The following PRELID2 variants were observed in gnomAD, a reference collection of about 807,000 sequenced individuals.
PRELID2 encodes the protein PRELI domain containing 2, also known as PRELI domain-containing protein 2.
In PRELID2, 25 loss-of-function variants were observed where a neutral mutation model predicts 28.4. The ratio of observed to expected loss-of-function variants is 0.88; its 90% CI spans 0.64 to 1.23. The LOEUF (loss-of-function observed/expected upper bound fraction) is 1.23. PRELID2 is among the 50% of genes most tolerant of loss of function. The pLI, the probability that PRELID2 is intolerant of heterozygous loss-of-function variation, is 0.00. For synonymous variants in PRELID2, 76 were observed against 71.6 expected, an observed-to-expected ratio of 1.06 and a Z score of -0.31; for missense variants, 201 against 214.4, an observed-to-expected ratio of 0.94 and a Z score of 0.39.
chr5:145,399,140 G>A, the PRELID2 span, among the ~76,000 whole-genome samples: 7 of 152,040 alleles, frequency 4.6e-5, no homozygotes, highest in African/African-American at 1.4e-4. Flanking sequence ...ACTGGGTCAA[G>A]TTTATCATTT....
At chr5:145,829,890 C>T (rs182953191) in intron 1 of PRELID2, among the ~76,000 whole-genome samples, 22 of 152,342 alleles carry the variant, frequency 1.4e-4, no homozygotes, top group Admixed American at 1.3e-3. Context: ...GGAAATAGCC[C>T]TTCATAAATC....
At chr5:145,832,396 G>A (rs532773788) in intron 1 of PRELID2, among the ~76,000 whole-genome samples, 13 of 152,176 alleles carry the variant, frequency 8.5e-5, no homozygotes, top group African/African-American at 2.7e-4. Context: ...TGTTAGCCAG[G>A]CTGGTCTTGA....
At chr5:145,434,539 A>ATTAGTTCATAGATTAATGAGTTCATTC in the PRELID2 span, among the ~76,000 whole-genome samples, 1 of 152,188 alleles carries the variant, frequency 6.6e-6, no homozygotes, top group African/African-American at 2.4e-5. Context: ...TCGAGGAATC[A>ATTAGTTCATAGATTAATGAGTTCATTC]TTAGTTCATA....
At chr5:145,236,503 A>G in the PRELID2 span, among the ~76,000 whole-genome samples, 2 of 152,124 alleles carry the variant, frequency 1.3e-5, no homozygotes, top group African/African-American at 4.8e-5. Context: ...GCCTCCCATA[A>G]ACAAGGACAT....
Position 145,757,816 on chromosome 5 carries a change from G to GAAAAAAAAAAAA in PRELID2, c.*2708_*2719dup, listed in dbSNP as rs199568370. Among the ~76,000 whole-genome samples the GAAAAAAAAAAAA allele has an allele frequency of 1.8e-5, 1 of 55,118 alleles. No homozygotes were observed. The allele number at this position is 55,118 out of a possible 152,430, so 36.2% of individuals were successfully genotyped here. A position where few individuals can be genotyped will look rare whatever the true frequency, so the allele number is the denominator to read the frequency against. ...GACCCTATCTCAAAAAAAAGTAAAT[G>GAAAAAAAAAAAA]AAAAAAAAAAAAAAAAAGACCATAA... is the stretch of plus-strand genomic sequence containing the variant. On this transcript the variant is annotated 3_prime_UTR_variant, in exon 7 of 7. Coordinates refer to ENST00000683046, the MANE Select transcript of PRELID2 (RefSeq NM_205846.3).
chr5:145,607,095 G>T (rs6580381), intron 1 of PRELID2, among the ~76,000 whole-genome samples: 32,160 of 151,894 alleles, frequency 0.21, 6,305 homozygotes, highest in African/African-American at 0.51. Flanking sequence ...AATGTAACCT[G>T]TGTCATTTCT....
At chr5:145,431,195 T>A in the PRELID2 span, among the ~76,000 whole-genome samples, 1 of 151,992 alleles carries the variant, frequency 6.6e-6, no homozygotes, top group Non-Finnish European at 1.5e-5. Flanking sequence ...AAATTTCTTT[T>A]TTATCCACTC....
At chr5:145,586,399 T>C (rs1753155393) in intron 1 of PRELID2, among the ~76,000 whole-genome samples, 1 of 152,008 alleles carries the variant, frequency 6.6e-6, no homozygotes, top group Non-Finnish European at 1.5e-5. Flanking sequence ...TCCTAGCAAT[T>C]TGGGAGGCTG....
chr5:145,428,324 A>G, the PRELID2 span, among the ~76,000 whole-genome samples: 2 of 152,098 alleles, frequency 1.3e-5, no homozygotes, highest in East Asian at 1.9e-4. Context: ...CTTCCAGATT[A>G]CCTCACCTAG....
chr5:145,633,374 T>C (rs1753956738), intron 1 of PRELID2, among the ~76,000 whole-genome samples: 1 of 152,192 alleles, frequency 6.6e-6, no homozygotes, highest in African/African-American at 2.4e-5. Flanking sequence ...GTCCAATGTG[T>C]TTCATGTACC....
At chr5:145,319,708 TAAATAA>T in the PRELID2 span, among the ~76,000 whole-genome samples, 4 of 150,846 alleles carry the variant, frequency 2.7e-5, no homozygotes, top group Non-Finnish European at 5.9e-5. Flanking sequence ...AATAAATAAA[TAAATAA>T]ATAAATAAAT....
In PRELID2 at chr5:145,692,383, C is replaced by A. The variant is rs190519777; in HGVS notation, n.70+72548G>T. Among the ~76,000 whole-genome samples, 10 of 149,910 alleles carry A rather than the reference C, an allele frequency of 6.7e-5. No individual in the cohort carries two copies. In the East Asian group the frequency reaches 2.0e-3, roughly 29 times the overall value. ...GGAGGTACACACACACACACAAACA[C>A]ACACATACCCCCTAGGCCTCATGTG... On this transcript the variant is annotated intron_variant and non_coding_transcript_variant, in intron 1 of 2. Transcript: ENST00000510259.
chr5:145,684,759 A>G (rs551059425), intron 1 of PRELID2, among the ~76,000 whole-genome samples: 2 of 152,262 alleles, frequency 1.3e-5, no homozygotes, highest in Non-Finnish European at 2.9e-5. Context: ...ACATGGATGA[A>G]CCAATCCTGG....
At chr5:145,824,111 AAG>A (rs1755009937) in intron 1 of PRELID2, among the ~76,000 whole-genome samples, 1 of 152,108 alleles carries the variant, frequency 6.6e-6, no homozygotes, top group Admixed American at 6.5e-5. Context: ...CAGATGTGAA[AAG>A]AGAGACACTG....
At chr5:145,362,393 G>A in the PRELID2 span, among the ~76,000 whole-genome samples, 1 of 152,032 alleles carries the variant, frequency 6.6e-6, no homozygotes, top group African/African-American at 2.4e-5. Flanking sequence ...TTTCTGCAAC[G>A]TGTTTCCATT....
Position 145,835,237 on chromosome 5 carries a change from C to T in PRELID2, c.15G>A (p.Val5=), listed in dbSNP as rs145972329. The change falls in exon 1 of 7, where the codon GTG becomes GTA. Residue 5 remains valine (V), a synonymous_variant. Coordinates refer to ENST00000683046, the MANE Select transcript of PRELID2 (RefSeq NM_205846.3). MGVS[V]DVHQVYKYPF... The stretch of plus-strand genomic sequence containing the variant: ...GGTACTTGTACACCTGGTGCACATC[C>T]ACCGAGACCCCCATCCCCGCGCGCC... 118 of 1,549,618 alleles carry T rather than the reference C, an allele frequency of 7.6e-5. No homozygotes were observed. The Admixed American group carries it at 1.0e-3, about 14-fold the overall frequency.
chr5:145,424,292 T>A, the PRELID2 span, among the ~76,000 whole-genome samples: 1 of 152,226 alleles, frequency 6.6e-6, no homozygotes, highest in African/African-American at 2.4e-5. Flanking sequence ...CTGCTTTGTT[T>A]ACCTAATCAA....
At chr5:145,626,568 T>A (rs1397838237) in intron 1 of PRELID2, among the ~76,000 whole-genome samples, 1 of 152,156 alleles carries the variant, frequency 6.6e-6, no homozygotes, top group African/African-American at 2.4e-5. Flanking sequence ...TATACACTCT[T>A]GGTGGGAATG....
At position 145,759,019 on chromosome 5, in the gene PRELID2, G is replaced by A. The variant is rs867848421; in HGVS notation, c.*1517C>T. On this transcript the variant is annotated 3_prime_UTR_variant, in exon 7 of 7. Transcript: ENST00000683046. The stretch of plus-strand genomic sequence containing the variant: ...ATTTTTTTTTTTTTTTTTTTTTTTT[G>A]TGATGGAGTCTTGCTCTGTCACCCA... 1 of 17,508 alleles carries A rather than the reference G, an allele frequency of 5.7e-5. No homozygotes were observed. Among genetic ancestry groups the A allele is most frequent in the Non-Finnish European group, 1.7e-4 (1 of 5,746 alleles). 1.1% of individuals were successfully genotyped at this position (17,508 alleles called of 1,614,324 possible). A position where few individuals can be genotyped will look rare whatever the true frequency, so the allele number is the denominator to read the frequency against.
Sources: allele counts gnomAD v4.1 joint callset (sites outside exome capture counted in the v4.1 genomes callset), GRCh38; gene constraint gnomAD v4.1.1; transcripts MANE v1.5; gene names NCBI Gene and HGNC (gene_info 2026-07-23, HGNC 2026-07-21).